COL6A1: variants seen among roughly 807,000 people sequenced by gnomAD.
COL6A1 encodes the protein collagen type VI alpha 1 chain, also known as collagen alpha-1(VI) chain.
A neutral mutation model predicts 145.6 loss-of-function variants in COL6A1; 80 were observed. The observed-to-expected ratio is 0.55, with a 90% confidence interval of 0.46 to 0.66. COL6A1 has a LOEUF of 0.66. Ranked by LOEUF, COL6A1 falls within the 30% of genes least tolerant of loss-of-function variation. COL6A1 has a pLI of 0.00. For missense variants in COL6A1, 1,364 were observed against 1,473.8 expected (o/e 0.93, Z 1.22); for synonymous variants, 638 against 622.8 (o/e 1.02, Z -0.36).
intron 8 of COL6A1, among the ~76,000 whole-genome samples, chr21:45,988,595 TCAGAAGG>T (rs2077756793): frequency 1.3e-5 from 2 of 152,120 alleles, no homozygotes; most frequent in African/African-American, 4.8e-5. Context: ...CGCACTCTGT[TCAGAAGG>T]ACCTTTCTGG....
chr21:46,000,276 T>G lies in COL6A1; in HGVS notation c.1777-55T>G, dbSNP rs540494834. Reference sequence around the variant, plus strand: ...GACCTGGAGATCCAGCAGCCCACAGTCCCCGCTGGGAGGGGCTGTCTATGG... The same window carrying G: ...GACCTGGAGATCCAGCAGCCCACAGGCCCCGCTGGGAGGGGCTGTCTATGG... On this transcript the variant is annotated intron_variant, in intron 27 of 34. Transcript: ENST00000361866. 2.7e-5 allele frequency: 44 copies of G among 1,605,122 alleles called. No homozygotes were observed. In the East Asian group the frequency reaches 4.9e-4, roughly 18 times the overall value.
chr21:45,984,612 T>C (rs1603589656), intron 3 of COL6A1, 143 bp downstream of exon 3: 1 of 737,548 alleles, frequency 1.4e-6, no homozygotes, highest in East Asian at 2.7e-5. Flanking sequence ...TGACCCACTT[T>C]GTGGGCAGGA....
rs765641686 is a variant in COL6A1 at position 46,002,280 on chromosome 21, C to T, written c.2129C>T (p.Thr710Met). 18 of 1,597,602 alleles carry T rather than the reference C, an allele frequency of 1.1e-5. No individual in the cohort carries two copies. In the East Asian group the frequency reaches 2.0e-4, roughly 18 times the overall value. ...TTCACGGGGGAGGCCCTGCAGTACA[C>T]GCGGGACCAGCTGCTGCCGCCCAGC... The part of the protein sequence containing the change: ...GTFTGEALQY[T>M]RDQLLPPSPN... Residue 710 changes from threonine to methionine, a missense_variant, in exon 32 of 35, where the codon ACG (threonine) becomes ATG (methionine). Around this residue, in one of 3 missense-constraint regions of COL6A1, gnomAD observed 938 missense variants for 1,003.8 expected, o/e 0.93. Transcript: ENST00000361866.
At chr21:45,984,232 C>CCGCCCGCCTCA in intron 2 of COL6A1, 37 bp from the exon 3 acceptor site, 1 of 1,567,074 alleles carries the variant, frequency 6.4e-7, no homozygotes, top group Non-Finnish European at 8.6e-7. Flanking sequence ...GCGCCAGGGG[C>CCGCCCGCCTCA]CGCCCGCCTC....
chr21:45,983,605 G>A (rs1336648807), intron 2 of COL6A1, among the ~76,000 whole-genome samples: 2 of 151,832 alleles, frequency 1.3e-5, no homozygotes, highest in Non-Finnish European at 2.9e-5. Context: ...AGGAGCCATT[G>A]GTACCAGGAA....
rs376276678 is a variant in COL6A1, at chr21:45,990,427, C to T, written c.1002+5C>T. Reference sequence around the variant, plus strand: ...GACGGGGTGGACGGCGTGAAGGTGACTGGGGGGAGATAGGATGGACGGGGA... The same window carrying T: ...GACGGGGTGGACGGCGTGAAGGTGATTGGGGGGAGATAGGATGGACGGGGA... On this transcript the variant is annotated splice_donor_5th_base_variant and intron_variant, in intron 13 of 34. Coordinates refer to ENST00000361866, the MANE Select transcript of COL6A1 (RefSeq NM_001848.3). The T allele has an allele frequency of 9.6e-7, 1 of 1,045,774 alleles. No homozygotes were observed. Among genetic ancestry groups the T allele is most frequent in the South Asian group, 2.1e-5 (1 of 47,354 alleles). 64.8% of individuals were successfully genotyped at this position (1,045,774 alleles called of 1,614,324 possible). A position where few individuals can be genotyped will look rare whatever the true frequency, so the allele number is the denominator to read the frequency against.
chr21:45,992,313 T>G, intron 17 of COL6A1, 50 bp from the exon 18 acceptor site: 1 of 1,613,706 alleles, frequency 6.2e-7, no homozygotes, highest in Non-Finnish European at 8.5e-7. Context: ...TGAGACCAAA[T>G]GCAGTGTGTC....
rs9977222 is a variant in COL6A1 at position 46,001,934 on chromosome 21, G to A, written c.1957-27G>A. On this transcript the variant is annotated intron_variant, in intron 30 of 34. Coordinates refer to ENST00000361866, the MANE Select transcript of COL6A1 (RefSeq NM_001848.3). ...TATGCGGACCTGGGGCAGCACTCGC[G>A]TCCTGACCCCGGTGCCGGTCCCACA... The A allele has an allele frequency of 3.9e-4, 620 of 1,602,932 alleles. No homozygotes were observed. In the African/African-American group the frequency reaches 6.6e-3, roughly 17 times the overall value.
chr21:45,986,760 C>T, intron 4 of COL6A1, 75 bp downstream of exon 4: 1 of 1,526,426 alleles, frequency 6.6e-7, no homozygotes, highest in Non-Finnish European at 8.8e-7. Flanking sequence ...GCAGCTGGGA[C>T]CGTCTTTTGG....
intron 6 of COL6A1, 40 bp from the exon 7 acceptor site, chr21:45,987,459 G>T: frequency 6.2e-7 from 1 of 1,612,712 alleles, no homozygotes. Context: ...GTATGTCCGT[G>T]GCTTTCCCAC....
In COL6A1 at chr21:46,001,336, G is replaced by A. The variant is rs770002676; in HGVS notation, c.1906G>A (p.Asp636Asn). The A allele has an allele frequency of 5.0e-6, 8 of 1,612,900 alleles. No individual in the cohort carries two copies. Among genetic ancestry groups the A allele is most frequent in the East Asian group, 4.5e-5 (2 of 44,866 alleles). The part of the protein sequence containing the change: ...IGLQNFEIAK[D>N]FVVKVIDRLS... ...CCTGCAGAACTTCGAGATTGCCAAG[G>A]ACTTCGTCGTCAAGGTCATCGACCG... The change falls in exon 30 of 35, where the codon GAC (aspartate) becomes AAC (asparagine). Residue 636 changes from aspartate to asparagine, a missense_variant. Coordinates refer to ENST00000361866, the MANE Select transcript of COL6A1 (RefSeq NM_001848.3).
intron 1 of COL6A1, 75 bp from the exon 2 acceptor site, chr21:45,982,541 TGCAGGCGCTGGGCTGGCC>T: frequency 6.3e-7 from 1 of 1,584,528 alleles, no homozygotes; most frequent in East Asian, 2.3e-5. Flanking sequence ...GGCTCTGTGC[TGCAGGCGCTGGGCTGGCC>T]GGGAGGGCAG....
intron 3 of COL6A1, among the ~76,000 whole-genome samples, chr21:45,985,413 CAGAG>C (rs1030641762): frequency 1.3e-5 from 2 of 152,010 alleles, no homozygotes; most frequent in African/African-American, 4.8e-5. Context: ...CAGACAGAGA[CAGAG>C]AGACCGGAAA....
intron 20 of COL6A1, among the ~76,000 whole-genome samples, chr21:45,996,407 A>G (rs528096353): frequency 5.6e-4 from 85 of 152,346 alleles, no homozygotes; most frequent in African/African-American, 2.0e-3. Context: ...GTGCTTGCAC[A>G]GTCGGGGTAG....
Position 45,998,031 on chromosome 21 carries a change from C to G in COL6A1, c.1525-90C>G. On this transcript the variant is annotated intron_variant, in intron 22 of 34. Coordinates refer to ENST00000361866, the MANE Select transcript of COL6A1 (RefSeq NM_001848.3). Reference sequence around the variant, plus strand: ...CGGCTTCTGGGCTGACGGAGGGGCCCTGCGGGTGAGGTGCTCCCGGGCCTG... The same window carrying G: ...CGGCTTCTGGGCTGACGGAGGGGCCGTGCGGGTGAGGTGCTCCCGGGCCTG... 5.3e-6 allele frequency: 8 copies of G among 1,512,114 alleles called. No homozygotes were observed. In the South Asian group the frequency reaches 9.4e-5, roughly 18 times the overall value. The allele number at this position is 1,512,114 out of a possible 1,614,324, so 93.7% of individuals were successfully genotyped here. A position where few individuals can be genotyped will look rare whatever the true frequency, so the allele number is the denominator to read the frequency against.
In COL6A1 at chr21:45,990,276, G is replaced by A; in HGVS notation, c.949G>A (p.Gly317Ser). The change falls in exon 12 of 35, where the codon GGC (glycine) becomes AGC (serine). Residue 317 changes from glycine to serine, a missense_variant. Transcript: ENST00000361866. ...TCCGCAGGGCTCCAGGGGACCCAAGGGCTACAAGGTGAGCGTGGGCTGCTG... is the reference window on the plus strand; with the variant it reads ...TCCGCAGGGCTCCAGGGGACCCAAGAGCTACAAGGTGAGCGTGGGCTGCTG... ...RGEKGSRGPK[G>S]YKGEKGKRGI... 2 of 1,612,854 alleles carry A rather than the reference G, an allele frequency of 1.2e-6. No homozygotes were observed. The highest frequency in any genetic ancestry group is 1.7e-6 in the Non-Finnish European group (2 of 1,179,990).
intron 6 of COL6A1, 116 bp downstream of exon 6, chr21:45,987,291 T>G (rs1000009752): frequency 6.5e-7 from 1 of 1,536,272 alleles, no homozygotes; most frequent in African/African-American, 1.4e-5. Context: ...CCGGGACACA[T>G]GTCCCCTGCG....
chr21:45,983,960 G>A (rs192435824), intron 2 of COL6A1, among the ~76,000 whole-genome samples: 96 of 152,274 alleles, frequency 6.3e-4, no homozygotes, highest in Non-Finnish European at 1.6e-4. Flanking sequence ...TCAGATCCCC[G>A]GGGTGCCTCC....
At position 46,001,226 on chromosome 21, in the gene COL6A1, C is replaced by T. The variant is rs777557320; in HGVS notation, c.1823-27C>T. The T allele has an allele frequency of 3.8e-6, 6 of 1,597,084 alleles. No individual in the cohort carries two copies. In the South Asian group the frequency reaches 5.5e-5, roughly 15 times the overall value. ...CAGGGCACTGGAGGGGAGGGGCGTG[C>T]TCTGCTGACACCGCCCCCGCCTGCA... On this transcript the variant is annotated intron_variant, in intron 29 of 34. Transcript: ENST00000361866.
Sources: allele counts gnomAD v4.1 joint callset (sites outside exome capture counted in the v4.1 genomes callset), GRCh38; gene constraint gnomAD v4.1.1; regional missense constraint gnomAD v4.1.1; transcripts MANE v1.5; gene names NCBI Gene and HGNC (gene_info 2026-07-23, HGNC 2026-07-21).